The following MAF variants were observed in gnomAD, a reference collection of about 807,000 sequenced individuals.
MAF encodes transcription factor Maf.
A neutral mutation model predicts 22.0 loss-of-function variants in MAF; 10 were observed. That is an observed-to-expected ratio of 0.45 (90% CI 0.28 to 0.77). The LOEUF is 0.77. Among genes scored for constraint, MAF ranks in the 30% least tolerant of loss-of-function variants. The probability of loss-of-function intolerance (pLI) is 0.12; values close to 1 mark genes in which losing one functional copy is unlikely to be tolerated. For missense variants in MAF, 544 were observed against 548.4 expected (o/e 0.99, Z 0.08); for synonymous variants, 337 against 255.8 (o/e 1.32, Z -3.03).
chr16:79,210,891 A>G, the MAF span, among the ~76,000 whole-genome samples: 1 of 152,200 alleles, frequency 6.6e-6, no homozygotes, highest in Non-Finnish European at 1.5e-5. Flanking sequence ...TACATTTTGA[A>G]GTGGGCTGGG....
chr16:79,594,412 A>G lies in MAF; in HGVS notation c.*48T>C. On this transcript the variant is annotated 3_prime_UTR_variant, in exon 2 of 2. Transcript: ENST00000326043. ...TAGGTGGTTCTCCATGACTGCAAAT[A>G]ATAATAATAATGATGATTTTTTTTA... 6.7e-7 allele frequency: 1 copy of G among 1,503,130 alleles called. No homozygotes were observed. The highest frequency in any genetic ancestry group is 9.1e-7 in the Non-Finnish European group (1 of 1,103,294). The allele number at this position is 1,503,130 out of a possible 1,614,324, so 93.1% of individuals were successfully genotyped here.
chr16:79,421,871 A>T, the MAF span, among the ~76,000 whole-genome samples: 1 of 152,094 alleles, frequency 6.6e-6, no homozygotes, highest in South Asian at 2.1e-4. Context: ...CCCGCCTCCC[A>T]GGTTCCAGCC....
the MAF span, among the ~76,000 whole-genome samples, chr16:79,252,087 A>G: frequency 1.3e-5 from 2 of 152,276 alleles, no homozygotes; most frequent in South Asian, 4.1e-4. Context: ...AATATTAGAA[A>G]GAAACATTTG....
chr16:79,249,896 C>T, the MAF span, among the ~76,000 whole-genome samples: 6 of 152,236 alleles, frequency 3.9e-5, no homozygotes, highest in South Asian at 2.1e-4. Context: ...GCTCACTGCA[C>T]GTAGCCCAGT....
the MAF span, among the ~76,000 whole-genome samples, chr16:79,520,123 C>G: frequency 6.6e-6 from 1 of 152,192 alleles, no homozygotes; most frequent in Non-Finnish European, 1.5e-5. Context: ...AATGGCTCAA[C>G]CATTCAGCAG....
the MAF span, among the ~76,000 whole-genome samples, chr16:79,451,416 C>A: frequency 6.6e-6 from 1 of 152,192 alleles, no homozygotes. Flanking sequence ...CCTCAGAGAC[C>A]ACTTCCCTTC....
At chr16:79,404,506 G>A in the MAF span, among the ~76,000 whole-genome samples, 1 of 152,140 alleles carries the variant, frequency 6.6e-6, no homozygotes, top group Admixed American at 6.5e-5. Context: ...CTAGAGAATG[G>A]GTACATCGAG....
the MAF span, among the ~76,000 whole-genome samples, chr16:79,284,138 G>A: frequency 7.1e-4 from 108 of 152,286 alleles, 1 homozygote; most frequent in Middle Eastern, 6.8e-3. Flanking sequence ...CGATTTAGCA[G>A]AACACCACTG....
chr16:79,207,607 T>G, the MAF span, among the ~76,000 whole-genome samples: 2 of 152,364 alleles, frequency 1.3e-5, no homozygotes, highest in African/African-American at 4.8e-5. Context: ...CATGATATTG[T>G]GTCTATTTTT....
At chr16:79,244,362 G>A in the MAF span, among the ~76,000 whole-genome samples, 318 of 152,158 alleles carry the variant, frequency 2.1e-3, 1 homozygote, top group Admixed American at 3.8e-3. Flanking sequence ...AGCAACTTCA[G>A]CAAAGTCTCA....
At chr16:79,269,647 A>C in the MAF span, among the ~76,000 whole-genome samples, 2 of 152,154 alleles carry the variant, frequency 1.3e-5, no homozygotes, top group African/African-American at 4.8e-5. Flanking sequence ...GCAGGAGCAG[A>C]ATGATAATTA....
chr16:79,260,996 G>T, the MAF span, among the ~76,000 whole-genome samples: 1 of 151,438 alleles, frequency 6.6e-6, no homozygotes, highest in Non-Finnish European at 1.5e-5. Flanking sequence ...AGGAGAGGAG[G>T]CTGTTCCATT....
At chr16:79,230,909 G>C in the MAF span, among the ~76,000 whole-genome samples, 1 of 152,066 alleles carries the variant, frequency 6.6e-6, no homozygotes, top group East Asian at 1.9e-4. Flanking sequence ...TGATCCTACG[G>C]GGTAGGGCTG....
chr16:79,596,702 T>C (rs1913547036), intron 1 of MAF: 1 of 1,040,080 alleles, frequency 9.6e-7, no homozygotes, highest in African/African-American at 1.7e-5. Context: ...AGACAGGATG[T>C]CAGTCCCTGA....
At chr16:79,476,190 C>T in the MAF span, among the ~76,000 whole-genome samples, 3 of 152,128 alleles carry the variant, frequency 2.0e-5, no homozygotes, top group African/African-American at 7.2e-5. Context: ...ACCACGTGAG[C>T]TTAGAAAAAG....
At chr16:79,477,385 G>C in the MAF span, among the ~76,000 whole-genome samples, 28 of 152,288 alleles carry the variant, frequency 1.8e-4, no homozygotes, top group East Asian at 4.3e-3. Flanking sequence ...AGACGGATCA[G>C]CTTTGCACAG....
the MAF span, among the ~76,000 whole-genome samples, chr16:79,236,288 G>A: frequency 4.6e-5 from 7 of 151,964 alleles, no homozygotes; most frequent in Non-Finnish European, 1.0e-4. Context: ...GGGCAACAGC[G>A]GGACACAGTC....
chr16:79,353,845 G>C, the MAF span, among the ~76,000 whole-genome samples: 1 of 152,080 alleles, frequency 6.6e-6, no homozygotes, highest in Non-Finnish European at 1.5e-5. Context: ...CTTGTGGATG[G>C]GAATGATCAT....
At chr16:79,547,932 G>C in the MAF span, among the ~76,000 whole-genome samples, 8 of 150,110 alleles carry the variant, frequency 5.3e-5, no homozygotes, top group Non-Finnish European at 8.9e-5. Flanking sequence ...GAGAGAGAGA[G>C]AGAGAGAGAG....
Sources: gnomAD v4.1 joint callset for allele counts (sites outside exome capture counted in the v4.1 genomes callset) on GRCh38, gnomAD v4.1.1 for gene constraint, MANE v1.5 for transcripts, NCBI Gene and HGNC (gene_info 2026-07-23, HGNC 2026-07-21) for gene names.